Variants in HSPBAP1 observed in about 807,000 individuals in gnomAD.
HSPBAP1 encodes the protein HSPB1-associated protein 1.
Under a neutral mutation model 45.2 loss-of-function variants are expected in HSPBAP1, and 27 were observed. That is an observed-to-expected ratio of 0.60 (90% CI 0.44 to 0.82). HSPBAP1 has a LOEUF of 0.82. HSPBAP1 is among the 40% of genes least tolerant of loss of function. The probability of loss-of-function intolerance (pLI) is 0.00; values close to 1 mark genes in which losing one functional copy is unlikely to be tolerated. For missense variants in HSPBAP1, 510 were observed against 590.9 expected (o/e 0.86, Z 1.42); for synonymous variants, 204 against 202.7 (o/e 1.01, Z -0.06).
intron 6 of HSPBAP1, among the ~76,000 whole-genome samples, chr3:122,750,614 C>T (rs1199514911): frequency 6.6e-6 from 1 of 151,884 alleles, no homozygotes; most frequent in East Asian, 1.9e-4. Flanking sequence ...ACACTGACAC[C>T]CAGGAGCAAT....
chr3:122,784,149 A>T (rs1935580114), intron 1 of HSPBAP1, among the ~76,000 whole-genome samples: 2 of 152,002 alleles, frequency 1.3e-5, no homozygotes, highest in Non-Finnish European at 1.5e-5. Flanking sequence ...CTTTTACCCA[A>T]AATAATCAAT....
At chr3:122,749,917 A>T (rs941215524) in intron 6 of HSPBAP1, among the ~76,000 whole-genome samples, 4 of 151,350 alleles carry the variant, frequency 2.6e-5, no homozygotes, top group African/African-American at 9.7e-5. Flanking sequence ...GCCAAATTTG[A>T]TATCTTAAAA....
chr3:122,773,306 T>G (rs1315910307), intron 2 of HSPBAP1, among the ~76,000 whole-genome samples: 8 of 43,278 alleles, frequency 1.8e-4, no homozygotes, highest in South Asian at 1.0e-3. Context: ...TAAATGTGTT[T>G]TTTTTTTTTT....
intron 7 of HSPBAP1, 61 bp downstream of exon 7, chr3:122,740,942 T>C (rs925103344): frequency 1.2e-6 from 2 of 1,603,508 alleles, no homozygotes; most frequent in African/African-American, 2.7e-5. Context: ...ACATATGTTC[T>C]AGTCAGGGCT....
chr3:122,750,669 T>C (rs1934104124), intron 6 of HSPBAP1, among the ~76,000 whole-genome samples: 1 of 152,138 alleles, frequency 6.6e-6, no homozygotes, highest in Non-Finnish European at 1.5e-5. Context: ...TGCCATTTCC[T>C]ACAAAAAGAA....
chr3:122,747,354 G>A (rs1284435623), intron 6 of HSPBAP1, among the ~76,000 whole-genome samples: 3 of 151,444 alleles, frequency 2.0e-5, no homozygotes, highest in Non-Finnish European at 1.5e-5. Context: ...CGCCCCGTCT[G>A]AGAAGTGAGG....
At chr3:122,761,660 A>C (rs1300312218) in intron 3 of HSPBAP1, 1 of 146,636 alleles carries the variant, frequency 6.8e-6, no homozygotes, top group East Asian at 2.0e-4. Context: ...GGTGGCATGC[A>C]CCTGTGGTCC....
chr3:122,772,233 T>C (rs1451209785), intron 2 of HSPBAP1, among the ~76,000 whole-genome samples: 1 of 152,188 alleles, frequency 6.6e-6, no homozygotes, highest in Non-Finnish European at 1.5e-5. Context: ...ATTAATTAAT[T>C]ATAGAGCTTA....
At chr3:122,764,276 A>G (rs1350081265) in intron 3 of HSPBAP1, among the ~76,000 whole-genome samples, 2 of 152,096 alleles carry the variant, frequency 1.3e-5, no homozygotes, top group Admixed American at 1.3e-4. Flanking sequence ...TCTTGTTTTG[A>G]TATTTCTCTG....
chr3:122,751,741 T>A (rs1441253150), intron 6 of HSPBAP1, among the ~76,000 whole-genome samples: 1 of 152,182 alleles, frequency 6.6e-6, no homozygotes, highest in East Asian at 1.9e-4. Context: ...GAAATTTCTG[T>A]GACGCTACTG....
chr3:122,746,647 C>T (rs1207342108), intron 6 of HSPBAP1, among the ~76,000 whole-genome samples: 2 of 151,866 alleles, frequency 1.3e-5, no homozygotes, highest in Admixed American at 6.6e-5. Context: ...CTCCCCTCTC[C>T]CCTCTCCCCA....
chr3:122,779,861 A>G (rs1045371512), intron 1 of HSPBAP1, among the ~76,000 whole-genome samples: 1 of 151,986 alleles, frequency 6.6e-6, no homozygotes, highest in African/African-American at 2.4e-5. Context: ...AGGCAGAAGA[A>G]TTTTTCTTAG....
At chr3:122,754,671 T>C (rs1934277984) in intron 5 of HSPBAP1, 1 of 985,290 alleles carries the variant, frequency 1.0e-6, no homozygotes, top group Non-Finnish European at 1.2e-6. Context: ...TTTCAAATTA[T>C]TAATGAAATA....
Position 122,763,576 on chromosome 3 carries a change from G to A in HSPBAP1, c.433-4216C>T, listed in dbSNP as rs148025044. 1.0e-3 allele frequency among the ~76,000 whole-genome samples: 156 copies of A among 152,148 alleles called. No homozygotes were observed. In the East Asian group the frequency reaches 0.017, roughly 16 times the overall value. On this transcript the variant is annotated intron_variant, in intron 3 of 7. Coordinates refer to ENST00000306103, the MANE Select transcript of HSPBAP1 (RefSeq NM_024610.6). The stretch of plus-strand genomic sequence containing the variant: ...TGCAAATGTCAACACTGTGAAATAA[G>A]CAAGTATCATCTTAGAAGTATTATG...
intron 3 of HSPBAP1, among the ~76,000 whole-genome samples, chr3:122,762,265 C>A (rs533781217): frequency 1.3e-5 from 2 of 149,560 alleles, no homozygotes; most frequent in African/African-American, 5.0e-5. Flanking sequence ...CCAACTTCTC[C>A]TTTATCTTTT....
At chr3:122,766,937 A>C (rs1277556783) in intron 3 of HSPBAP1, among the ~76,000 whole-genome samples, 2 of 152,236 alleles carry the variant, frequency 1.3e-5, no homozygotes, top group African/African-American at 2.4e-5. Context: ...TGTTACTATT[A>C]AGCAATATTT....
At chr3:122,763,015 T>C (rs182695950) in intron 3 of HSPBAP1, among the ~76,000 whole-genome samples, 1 of 152,368 alleles carries the variant, frequency 6.6e-6, no homozygotes, top group Admixed American at 6.5e-5. Flanking sequence ...TGGTCAGTTT[T>C]GTTCATGTAT....
intron 4 of HSPBAP1, among the ~76,000 whole-genome samples, chr3:122,756,244 A>G (rs2107509748): frequency 6.6e-6 from 1 of 152,338 alleles, no homozygotes; most frequent in South Asian, 2.1e-4. Context: ...GACCCCTTGC[A>G]GTTGTTAGAA....
intron 6 of HSPBAP1, among the ~76,000 whole-genome samples, chr3:122,744,591 G>A (rs955761323): frequency 6.6e-6 from 1 of 152,220 alleles, no homozygotes; most frequent in Middle Eastern, 3.2e-3. Flanking sequence ...AGGAACTGGA[G>A]GTCTGGTTTG....
Sources: gnomAD v4.1 joint callset for allele counts (sites outside exome capture counted in the v4.1 genomes callset) on GRCh38, gnomAD v4.1.1 for gene constraint, MANE v1.5 for transcripts, NCBI Gene and HGNC (gene_info 2026-07-23, HGNC 2026-07-21) for gene names.